DCDC1: variants seen among roughly 807,000 people sequenced by gnomAD.
The protein encoded by DCDC1 is doublecortin domain containing 1.
DCDC1 carries 200 observed loss-of-function variants against 178.3 expected under a neutral mutation model. The observed-to-expected ratio is 1.12, with a 90% CI of 1.00 to 1.26. The LOEUF (loss-of-function observed/expected upper bound fraction) is 1.26, where lower values mean the gene tolerates loss of function less well. Ranked by LOEUF, DCDC1 falls within the 50% of genes most tolerant of loss-of-function variation. The pLI, the probability that DCDC1 is intolerant of heterozygous loss-of-function variation, is 0.00. For synonymous variants in DCDC1, 690 were observed against 604.8 expected, an observed-to-expected ratio of 1.14 and a Z score of -2.07; for missense variants, 1,983 against 1,749.2, an observed-to-expected ratio of 1.13 and a Z score of -2.38.
At chr11:31,235,169 G>A (rs939656564) in intron 9 of DCDC1, among the ~76,000 whole-genome samples, 6 of 151,886 alleles carry the variant, frequency 4.0e-5, no homozygotes, top group African/African-American at 1.5e-4. Context: ...GGATGTCTGA[G>A]AATAAATTTT....
At chr11:31,217,404 C>T (rs1441744517) in intron 9 of DCDC1, among the ~76,000 whole-genome samples, 3 of 151,998 alleles carry the variant, frequency 2.0e-5, no homozygotes, top group Non-Finnish European at 4.4e-5. Context: ...TAAACAACTC[C>T]GGTCGATTTT....
intron 9 of DCDC1, among the ~76,000 whole-genome samples, chr11:31,172,731 AT>A (rs1967411033): frequency 1.3e-5 from 2 of 152,190 alleles, no homozygotes; most frequent in African/African-American, 4.8e-5. Flanking sequence ...TATGTTTACT[AT>A]TTATTCAGTG....
chr11:31,140,436 C>A (rs945670379), intron 9 of DCDC1, among the ~76,000 whole-genome samples: 3 of 152,142 alleles, frequency 2.0e-5, no homozygotes, highest in Non-Finnish European at 4.4e-5. Flanking sequence ...TTCAAATAGT[C>A]ATTGTGCACA....
intron 20 of DCDC1, among the ~76,000 whole-genome samples, chr11:31,055,804 G>A (rs936045914): frequency 1.3e-5 from 2 of 152,138 alleles, no homozygotes; most frequent in Admixed American, 6.5e-5. Context: ...GCTAAGCTAT[G>A]AGGATGCAAA....
intron 20 of DCDC1, among the ~76,000 whole-genome samples, chr11:30,955,247 G>T (rs542027386): frequency 9.2e-5 from 14 of 152,164 alleles, no homozygotes; most frequent in Non-Finnish European, 1.9e-4. Flanking sequence ...CTAGTTTATT[G>T]TTACTCCATC....
intron 20 of DCDC1, among the ~76,000 whole-genome samples, chr11:31,011,878 C>T (rs187005726): frequency 6.4e-4 from 97 of 152,170 alleles, no homozygotes; most frequent in African/African-American, 2.1e-3. Flanking sequence ...TTATCTGATA[C>T]GGTTTGGATT....
In DCDC1 at chr11:31,305,674, T is replaced by C. The variant is rs1238532992; in HGVS notation, c.695A>G (p.Glu232Gly). Residue 232 changes from glutamate (E) to glycine (G), a missense_variant, in exon 6 of 39, where the codon GAA becomes GGA. Transcript: ENST00000684477. ...EALEPEDIPH[E>G]ADVYVSTGEP... ...TCCCGTTGAAACATAAACATCGGCT[T>C]CATGGGGTATATCTTCAGGTTCGAG... 3.1e-6 allele frequency: 5 copies of C among 1,613,878 alleles called. No individual in the cohort carries two copies. The highest frequency in any genetic ancestry group is 4.2e-6 in the Non-Finnish European group (5 of 1,179,900).
At chr11:31,137,507 G>A (rs1171816822) in intron 10 of DCDC1, among the ~76,000 whole-genome samples, 185 bp downstream of exon 10, 3 of 151,914 alleles carry the variant, frequency 2.0e-5, no homozygotes, top group African/African-American at 7.3e-5. Context: ...CCGCCACCAC[G>A]CCCAGCTAAT....
intron 20 of DCDC1, among the ~76,000 whole-genome samples, chr11:31,060,452 A>G (rs608327): frequency 0.12 from 18,760 of 152,034 alleles, 1,349 homozygotes; most frequent in East Asian, 0.29. Flanking sequence ...TTATCAAATC[A>G]TATCTCCTAG....
intron 9 of DCDC1, among the ~76,000 whole-genome samples, chr11:31,196,665 C>T (rs1402134572): frequency 2.6e-5 from 4 of 152,004 alleles, no homozygotes; most frequent in Admixed American, 2.0e-4. Context: ...ACCCTTTCCC[C>T]GTGAACCACC....
intron 10 of DCDC1, among the ~76,000 whole-genome samples, chr11:31,129,645 T>C (rs966269102): frequency 6.6e-6 from 1 of 152,118 alleles, no homozygotes; most frequent in Non-Finnish European, 1.5e-5. Context: ...AATATGTATA[T>C]GTCATATCCA....
chr11:31,004,755 C>G (rs897650886), intron 20 of DCDC1, among the ~76,000 whole-genome samples: 3 of 150,472 alleles, frequency 2.0e-5, no homozygotes, highest in Non-Finnish European at 4.4e-5. Flanking sequence ...TACCTCCCAA[C>G]AGCAGTGTAA....
rs139505567 is a variant in DCDC1, at chr11:31,296,891, G to A, written c.755-6039C>T. Among the ~76,000 whole-genome samples the A allele has an allele frequency of 1.2e-4, 18 of 152,170 alleles. No homozygotes were observed. In the East Asian group the frequency reaches 3.3e-3, roughly 28 times the overall value. ...CCCATGATCTAATTACCTCCCACAAGGCGTCTCCCCCAACATGAGGGGATT... is the reference window on the plus strand; with the variant it reads ...CCCATGATCTAATTACCTCCCACAAAGCGTCTCCCCCAACATGAGGGGATT... On this transcript the variant is annotated intron_variant, in intron 6 of 38. Transcript: ENST00000684477.
chr11:30,899,418 T>A, intron 34 of DCDC1, 123 bp downstream of exon 34: 1 of 52,480 alleles, frequency 1.9e-5, no homozygotes, highest in Non-Finnish European at 3.5e-5. Context: ...AAAACAATAT[T>A]TATATATTGT....
In DCDC1 at chr11:31,091,494, G is replaced by A. The variant is rs375887319; in HGVS notation, c.2136C>T (p.Ser712=). The change falls in exon 17 of 39, where the codon AGC becomes AGT. Residue 712 remains serine, a synonymous_variant. Transcript: ENST00000684477. ...CCAGGCAGCCCTGAGTTATCGCTCG[G>A]CTCAGGATCATTCCAGTCTTCCAAT... ...WLITKTGMIL[S]RAITQGCLAI... 1.9e-5 allele frequency: 14 copies of A among 755,286 alleles called. No individual in the cohort carries two copies. Among genetic ancestry groups the A allele is most frequent in the Admixed American group, 6.9e-5 (4 of 57,620 alleles). 46.8% of individuals were successfully genotyped at this position (755,286 alleles called of 1,614,324 possible). A position where few individuals can be genotyped will look rare whatever the true frequency, so the allele number is the denominator to read the frequency against.
chr11:31,268,287 C>A (rs1312545114), intron 7 of DCDC1, among the ~76,000 whole-genome samples: 1 of 152,098 alleles, frequency 6.6e-6, no homozygotes, highest in East Asian at 1.9e-4. Flanking sequence ...TGAAGGTAGT[C>A]CCATTTACTT....
rs1966853685 is a variant in DCDC1 at position 31,168,042 on chromosome 11, AC to A, written c.1222-30259del. ...GCATGCACAAACACACCTACAAACAACCTCTCCCTAATACAATGTACTCATC... is the reference window on the plus strand; with the variant it reads ...GCATGCACAAACACACCTACAAACAACTCTCCCTAATACAATGTACTCATC... On this transcript the variant is annotated intron_variant, in intron 9 of 38. Coordinates refer to ENST00000684477, the MANE Select transcript of DCDC1 (RefSeq NM_001387274.1). Among the ~76,000 whole-genome samples the A allele has an allele frequency of 2.0e-5, 3 of 151,580 alleles. No homozygotes were observed. The South Asian group carries it at 6.3e-4, about 32-fold the overall frequency.
At chr11:31,066,001 A>T (rs1011831141) in intron 18 of DCDC1, among the ~76,000 whole-genome samples, 2 of 152,174 alleles carry the variant, frequency 1.3e-5, no homozygotes, top group African/African-American at 4.8e-5. Flanking sequence ...GGAAAGAGTA[A>T]TGTAGCATAA....
chr11:31,133,415 T>C (rs949740921), intron 10 of DCDC1, among the ~76,000 whole-genome samples: 1 of 152,164 alleles, frequency 6.6e-6, no homozygotes. Flanking sequence ...TAACAGCATA[T>C]TTAAGATGAA....
Sources: gnomAD v4.1 joint callset for allele counts (sites outside exome capture counted in the v4.1 genomes callset) on GRCh38, gnomAD v4.1.1 for gene constraint, MANE v1.5 for transcripts, NCBI Gene and HGNC (gene_info 2026-07-23, HGNC 2026-07-21) for gene names.